The following ASTN1 variants were observed in gnomAD, a reference collection of about 807,000 sequenced individuals.
ASTN1 encodes the protein astrotactin 1, also known as astrotactin-1.
Under a neutral mutation model 140.7 loss-of-function variants are expected in ASTN1, and 41 were observed. The observed-to-expected ratio is 0.29, with a 90% CI of 0.23 to 0.38. ASTN1 has a LOEUF of 0.38. ASTN1 is among the 10% of genes least tolerant of loss of function. ASTN1 has a pLI of 1.00. For missense variants in ASTN1, 1,479 were observed against 1,678.8 expected (o/e 0.88, Z 2.08); for synonymous variants, 640 against 652.2 (o/e 0.98, Z 0.29).
rs1254127669 is a variant in ASTN1 at position 176,863,935 on chromosome 1, A to T, written c.*349T>A. 1.8e-6 allele frequency: 2 copies of T among 1,082,212 alleles called. No homozygotes were observed. Among genetic ancestry groups the T allele is most frequent in the East Asian group, 1.5e-4 (2 of 13,468 alleles). The allele number at this position is 1,082,212 out of a possible 1,614,324, so 67.0% of individuals were successfully genotyped here. On this transcript the variant is annotated 3_prime_UTR_variant, in exon 23 of 23. Coordinates refer to ENST00000361833, the MANE Select transcript of ASTN1 (RefSeq NM_004319.3). ...TGAGTGAGCACAGGGTGCCTACTTAATAGACTTTTCATGGGGAGCACGGCA... is the reference window on the plus strand; with the variant it reads ...TGAGTGAGCACAGGGTGCCTACTTATTAGACTTTTCATGGGGAGCACGGCA...
At chr1:176,977,621 C>A (rs533187523) in intron 8 of ASTN1, among the ~76,000 whole-genome samples, 1 of 152,288 alleles carries the variant, frequency 6.6e-6, no homozygotes, top group South Asian at 2.1e-4. Context: ...ACTTTTTATG[C>A]ATTTATACTA....
At chr1:176,895,556 A>T (rs1669468114) in intron 16 of ASTN1, among the ~76,000 whole-genome samples, 1 of 152,198 alleles carries the variant, frequency 6.6e-6, no homozygotes, top group Admixed American at 6.5e-5. Context: ...TAATCAATGT[A>T]TTGAAGATGG....
intron 1 of ASTN1, among the ~76,000 whole-genome samples, chr1:177,145,949 ATC>A (rs1682703374): frequency 6.6e-6 from 1 of 152,214 alleles, no homozygotes; most frequent in Admixed American, 6.5e-5. Context: ...ATTATTGAGA[ATC>A]ACAAAGAGCA....
chr1:177,139,513 G>A lies in ASTN1; in HGVS notation c.283+24881C>T, dbSNP rs116151475. ...AAGCATATAATTTAAATCAAGGAAGGTACCTTGGATGCAGTGATGAAGGCA... is the reference window on the plus strand; with the variant it reads ...AAGCATATAATTTAAATCAAGGAAGATACCTTGGATGCAGTGATGAAGGCA... On this transcript the variant is annotated intron_variant, in intron 1 of 22. Transcript: ENST00000361833. Among the ~76,000 whole-genome samples the A allele has an allele frequency of 5.8e-3, 881 of 152,302 alleles. 8 individuals are homozygous for A. Among genetic ancestry groups the A allele is most frequent in the African/African-American group, 0.02 (845 of 41,566 alleles).
At chr1:176,938,861 C>T (rs2103099191) in intron 14 of ASTN1, among the ~76,000 whole-genome samples, 1 of 152,276 alleles carries the variant, frequency 6.6e-6, no homozygotes. Flanking sequence ...TGCCTATAAT[C>T]CCAGTACTTT....
chr1:177,058,289 C>T (rs1558064483), intron 2 of ASTN1, among the ~76,000 whole-genome samples: 3 of 152,110 alleles, frequency 2.0e-5, no homozygotes, highest in African/African-American at 7.2e-5. Flanking sequence ...GTTGGCCTGT[C>T]CACATACAAG....
Position 177,051,010 on chromosome 1 carries a change from C to G in ASTN1, c.471+10068G>C, listed in dbSNP as rs144697680. On this transcript the variant is annotated intron_variant, in intron 2 of 22. Coordinates refer to ENST00000361833, the MANE Select transcript of ASTN1 (RefSeq NM_004319.3). ...AGTATCCTGTTTATACTTTTCTTGT[C>G]AAGTCGAAGCATAGTTTTGTTTTCA... 2.2e-4 allele frequency among the ~76,000 whole-genome samples: 33 copies of G among 152,286 alleles called. No homozygotes were observed. The East Asian group carries it at 6.4e-3, about 29-fold the overall frequency.
At chr1:176,962,943 G>T in intron 9 of ASTN1, among the ~76,000 whole-genome samples, 1 of 152,310 alleles carries the variant, frequency 6.6e-6, no homozygotes, top group South Asian at 2.1e-4. Context: ...AATAGTAGGT[G>T]TTCAATAGAT....
At chr1:176,947,474 C>T (rs1041595393) in intron 12 of ASTN1, among the ~76,000 whole-genome samples, 8 of 152,074 alleles carry the variant, frequency 5.3e-5, no homozygotes, top group Admixed American at 1.3e-4. Flanking sequence ...TTCTTCGGCA[C>T]GCTATATATA....
At chr1:177,057,911 G>A (rs527402590) in intron 2 of ASTN1, among the ~76,000 whole-genome samples, 7 of 152,320 alleles carry the variant, frequency 4.6e-5, no homozygotes, top group Admixed American at 1.3e-4. Flanking sequence ...ATGGTATAAA[G>A]TGTGTCAAAT....
chr1:176,884,299 C>G (rs368454490), intron 19 of ASTN1, 40 bp downstream of exon 19: 1 of 1,590,334 alleles, frequency 6.3e-7, no homozygotes, highest in African/African-American at 1.3e-5. Flanking sequence ...AGTTTTATCA[C>G]CTTGGATCAA....
chr1:177,034,781 A>G (rs1676631352), intron 2 of ASTN1, among the ~76,000 whole-genome samples: 1 of 152,236 alleles, frequency 6.6e-6, no homozygotes, highest in African/African-American at 2.4e-5. Flanking sequence ...TAATTAAGCC[A>G]CACAGAAGGA....
intron 1 of ASTN1, among the ~76,000 whole-genome samples, chr1:177,161,634 T>A (rs1647376569): frequency 6.6e-6 from 1 of 152,148 alleles, no homozygotes; most frequent in East Asian, 1.9e-4. Flanking sequence ...CTTGGAGGGA[T>A]AAAGGGCTGG....
chr1:177,105,138 T>G (rs765263166), intron 1 of ASTN1, among the ~76,000 whole-genome samples: 2 of 152,052 alleles, frequency 1.3e-5, no homozygotes, highest in African/African-American at 2.4e-5. Flanking sequence ...TGATGGGGGA[T>G]TATATGACAA....
At chr1:177,066,086 C>G (rs928402546) in intron 1 of ASTN1, among the ~76,000 whole-genome samples, 2 of 152,170 alleles carry the variant, frequency 1.3e-5, no homozygotes, top group African/African-American at 2.4e-5. Flanking sequence ...AAGGGTGTGA[C>G]TCATATAACC....
chr1:176,857,684 A>C (rs1261441967), downstream of ASTN1: 1 of 558,150 alleles, frequency 1.8e-6, no homozygotes. Context: ...AAGTTTCAAT[A>C]GTTTATAAGA....
At chr1:176,989,393 CA>C (rs1558013422) in intron 8 of ASTN1, among the ~76,000 whole-genome samples, 2 of 152,126 alleles carry the variant, frequency 1.3e-5, no homozygotes, top group African/African-American at 4.8e-5. Context: ...TTCTTCTTTT[CA>C]GTGATAGGAA....
rs1364949857 is a variant in ASTN1, at chr1:176,975,287, C to T, written c.1524-10050G>A. Among the ~76,000 whole-genome samples the T allele has an allele frequency of 1.3e-5, 2 of 152,190 alleles. 1 individual carries two copies. Among genetic ancestry groups the T allele is most frequent in the East Asian group, 3.9e-4 (2 of 5,192 alleles). On this transcript the variant is annotated intron_variant, in intron 8 of 22. Transcript: ENST00000361833. ...AACTCTACAGCTGTGTTATTATCCC[C>T]AAGTGGCAAGGGTGAACAAGGGTTC... is the stretch of plus-strand genomic sequence containing the variant.
intron 7 of ASTN1, among the ~76,000 whole-genome samples, chr1:177,019,997 G>T (rs993284730): frequency 1.3e-5 from 2 of 152,066 alleles, no homozygotes; most frequent in Non-Finnish European, 2.9e-5. Flanking sequence ...CAATCCTTTT[G>T]CCTCAGCCTC....
Sources: allele counts gnomAD v4.1 joint callset (sites outside exome capture counted in the v4.1 genomes callset), GRCh38; gene constraint gnomAD v4.1.1; transcripts MANE v1.5; gene names NCBI Gene and HGNC (gene_info 2026-07-23, HGNC 2026-07-21).